EML4: variants seen among roughly 807,000 people sequenced by gnomAD.
EML4 encodes the protein EMAP like 4, also known as echinoderm microtubule-associated protein-like 4.
EML4 carries 72 observed loss-of-function variants against 129.0 expected under a neutral mutation model. The observed-to-expected ratio is 0.56, with a 90% CI of 0.46 to 0.68. The LOEUF is 0.68. Ranked by LOEUF, EML4 falls within the 30% of genes least tolerant of loss-of-function variation. The pLI is 0.00. For synonymous variants in EML4, 532 were observed against 405.0 expected (o/e 1.31, Z -3.77); for missense variants, 1,363 against 1,190.6 (o/e 1.14, Z -2.13).
At chr2:42,182,646 C>A (rs908808944) in intron 1 of EML4, among the ~76,000 whole-genome samples, 3 of 152,034 alleles carry the variant, frequency 2.0e-5, no homozygotes, top group African/African-American at 7.2e-5. Flanking sequence ...GCTTTTCCAC[C>A]AAATATCACA....
intron 9 of EML4, 134 bp downstream of exon 9, chr2:42,284,837 T>A (rs1265137980): frequency 1.8e-6 from 1 of 542,324 alleles, no homozygotes. Context: ...AGTATAAGCA[T>A]GGAAAAAACA....
At chr2:42,237,241 C>G (rs1339936875) in intron 1 of EML4, among the ~76,000 whole-genome samples, 5 of 152,094 alleles carry the variant, frequency 3.3e-5, no homozygotes, top group Admixed American at 1.3e-4. Flanking sequence ...AGTCTGGATA[C>G]TAATTTTTAT....
chr2:42,272,970 A>G (rs2104431340), intron 6 of EML4, among the ~76,000 whole-genome samples: 1 of 152,292 alleles, frequency 6.6e-6, no homozygotes, highest in South Asian at 2.1e-4. Flanking sequence ...GTTTAATCAG[A>G]ATTTTTATAT....
chr2:42,251,621 A>G (rs984536053), intron 2 of EML4, among the ~76,000 whole-genome samples: 1 of 152,218 alleles, frequency 6.6e-6, no homozygotes, highest in East Asian at 1.9e-4. Context: ...AGCAAGAGTA[A>G]TCAGCCAATT....
At chr2:42,200,470 GT>G (rs2103957346) in intron 1 of EML4, among the ~76,000 whole-genome samples, 1 of 152,338 alleles carries the variant, frequency 6.6e-6, no homozygotes, top group East Asian at 1.9e-4. Context: ...ATGGACAAAT[GT>G]TAATTTGAGG....
At chr2:42,222,786 T>TGTTTG (rs1236356212) in intron 1 of EML4, among the ~76,000 whole-genome samples, 5 of 133,612 alleles carry the variant, frequency 3.7e-5, no homozygotes, top group Non-Finnish European at 8.6e-5. Context: ...ACGGTTCTTT[T>TGTTTG]GTTTGTTTTG....
intron 17 of EML4, among the ~76,000 whole-genome samples, chr2:42,309,425 C>A (rs1294017083): frequency 7.2e-6 from 1 of 138,170 alleles, no homozygotes; most frequent in Admixed American, 7.2e-5. Flanking sequence ...ACCAAAACAA[C>A]CACCACAAAA....
At chr2:42,297,544 A>G (rs186288350) in intron 13 of EML4, among the ~76,000 whole-genome samples, 6 of 152,336 alleles carry the variant, frequency 3.9e-5, no homozygotes, top group Admixed American at 1.3e-4. Context: ...CCACATGACT[A>G]ACCCTATTAT....
intron 6 of EML4, among the ~76,000 whole-genome samples, chr2:42,268,118 A>G (rs560750834): frequency 7.4e-4 from 112 of 152,320 alleles, no homozygotes; most frequent in African/African-American, 2.4e-3. Flanking sequence ...ATCAAGTACA[A>G]CTGGCCTTCC....
intron 2 of EML4, among the ~76,000 whole-genome samples, chr2:42,254,013 A>G (rs768789569): frequency 2.0e-5 from 3 of 152,224 alleles, no homozygotes; most frequent in Non-Finnish European, 4.4e-5. Context: ...CCAGACATGT[A>G]TTTGTCAGAG....
rs1670090451 is a variant in EML4, at chr2:42,331,364, A to G, written c.*1157A>G. The G allele has an allele frequency of 4.4e-6, 1 of 224,864 alleles. No individual in the cohort carries two copies. 13.9% of individuals were successfully genotyped at this position (224,864 alleles called of 1,614,324 possible). A position where few individuals can be genotyped will look rare whatever the true frequency, so the allele number is the denominator to read the frequency against. ...TAAGTCTTGTAAGTCTAATGTGGCT[A>G]TCCTACTCTTTTGGGCAATGCATGT... On this transcript the variant is annotated 3_prime_UTR_variant, in exon 23 of 23. Transcript: ENST00000318522.
At chr2:42,260,189 A>G (rs1253908439) in intron 3 of EML4, among the ~76,000 whole-genome samples, 1 of 151,216 alleles carries the variant, frequency 6.6e-6, no homozygotes, top group Admixed American at 6.6e-5. Flanking sequence ...GTTTTTTGAG[A>G]TGGAGTCTCG....
intron 14 of EML4, 103 bp from the exon 15 acceptor site, chr2:42,303,001 C>A (rs554622011): frequency 1.7e-6 from 2 of 1,195,710 alleles, no homozygotes; most frequent in South Asian, 1.5e-5. Context: ...TTTGGGCTTT[C>A]GTCATAATTA....
At chr2:42,279,237 A>AT (rs1358330391) in intron 6 of EML4, among the ~76,000 whole-genome samples, 2 of 152,150 alleles carry the variant, frequency 1.3e-5, no homozygotes, top group African/African-American at 4.8e-5. Context: ...GCTATTGTGA[A>AT]TAGTGCTGCT....
At chr2:42,189,083 T>G (rs1286549291) in intron 1 of EML4, among the ~76,000 whole-genome samples, 1 of 152,018 alleles carries the variant, frequency 6.6e-6, no homozygotes, top group African/African-American at 2.4e-5. Flanking sequence ...CCTAGGCTGG[T>G]CTCAAATTCC....
At chr2:42,314,428 A>G (rs548393725) in intron 17 of EML4, among the ~76,000 whole-genome samples, 6 of 152,160 alleles carry the variant, frequency 3.9e-5, no homozygotes, top group Admixed American at 2.0e-4. Context: ...CTTGTAAGCT[A>G]TGGGCTGAAA....
intron 1 of EML4, among the ~76,000 whole-genome samples, chr2:42,208,504 G>A (rs1383235668): frequency 6.7e-6 from 1 of 148,538 alleles, no homozygotes; most frequent in Admixed American, 6.7e-5. Flanking sequence ...GTGCAATCTC[G>A]GCTGATTGCA....
At chr2:42,251,643 C>T (rs1189897749) in intron 2 of EML4, among the ~76,000 whole-genome samples, 3 of 152,086 alleles carry the variant, frequency 2.0e-5, no homozygotes, top group Admixed American at 6.5e-5. Context: ...AGAAAAGTGA[C>T]GAAGAGCCTG....
At chr2:42,198,392 C>G (rs1672020180) in intron 1 of EML4, among the ~76,000 whole-genome samples, 1 of 151,994 alleles carries the variant, frequency 6.6e-6, no homozygotes, top group Non-Finnish European at 1.5e-5. Context: ...GTGTTTAACT[C>G]AAGAGGCACC....
Sources: gnomAD v4.1 joint callset for allele counts (sites outside exome capture counted in the v4.1 genomes callset) on GRCh38, gnomAD v4.1.1 for gene constraint, MANE v1.5 for transcripts, NCBI Gene and HGNC (gene_info 2026-07-23, HGNC 2026-07-21) for gene names.